Variants in PHACTR3 observed in about 807,000 individuals in gnomAD.
PHACTR3 encodes the protein protein phosphatase 1, regulatory subunit 123.
A neutral mutation model predicts 66.8 loss-of-function variants in PHACTR3; 16 were observed. The ratio of observed to expected loss-of-function variants is 0.24; its 90% confidence interval spans 0.16 to 0.36. PHACTR3 has a LOEUF of 0.36. Among genes scored for constraint, PHACTR3 ranks in the 10% least tolerant of loss-of-function variants. PHACTR3 has a pLI of 1.00. For missense variants in PHACTR3, 647 were observed against 719.9 expected (o/e 0.90, Z 1.16); for synonymous variants, 323 against 292.1 (o/e 1.11, Z -1.08).
chr20:59,583,692 C>G (rs1296630305), intron 1 of PHACTR3, among the ~76,000 whole-genome samples: 2 of 152,316 alleles, frequency 1.3e-5, no homozygotes, highest in East Asian at 1.9e-4. Context: ...AACAACGGTA[C>G]ACTTCCCTTG....
chr20:59,782,448 C>G (rs1345990711), intron 7 of PHACTR3, among the ~76,000 whole-genome samples: 3 of 152,230 alleles, frequency 2.0e-5, no homozygotes, highest in Admixed American at 2.0e-4. Context: ...GGCAGAGTTT[C>G]ACCATGTTGG....
At chr20:59,682,498 A>G (rs1346472394) in intron 1 of PHACTR3, among the ~76,000 whole-genome samples, 1 of 152,216 alleles carries the variant, frequency 6.6e-6, no homozygotes, top group Non-Finnish European at 1.5e-5. Flanking sequence ...GGAGAGGACA[A>G]TGAACGGCAC....
intron 1 of PHACTR3, among the ~76,000 whole-genome samples, chr20:59,672,152 C>A (rs940025641): frequency 9.2e-5 from 14 of 152,232 alleles, no homozygotes; most frequent in African/African-American, 3.4e-4. Flanking sequence ...ACTGGCATCT[C>A]ATGGGCAGAG....
chr20:59,821,576 A>G (rs2042028948), intron 8 of PHACTR3, among the ~76,000 whole-genome samples: 1 of 152,234 alleles, frequency 6.6e-6, no homozygotes, highest in Non-Finnish European at 1.5e-5. Flanking sequence ...TAGGACCAGC[A>G]TTCAGGCATA....
chr20:59,737,536 GTGCA>G (rs940696502), intron 1 of PHACTR3, among the ~76,000 whole-genome samples: 13 of 150,642 alleles, frequency 8.6e-5, no homozygotes, highest in South Asian at 8.5e-4. Flanking sequence ...ATGTGTGTGC[GTGCA>G]TGTGCATGTG....
chr20:59,698,688 G>T (rs1467072859), intron 1 of PHACTR3, among the ~76,000 whole-genome samples: 1 of 152,170 alleles, frequency 6.6e-6, no homozygotes, highest in South Asian at 2.1e-4. Flanking sequence ...TAAGGTCAAG[G>T]TATGATTTGA....
At chr20:59,747,972 T>C in intron 3 of PHACTR3, 137 bp downstream of exon 3, 3 of 888,672 alleles carry the variant, frequency 3.4e-6, no homozygotes, top group South Asian at 1.7e-5. Flanking sequence ...GCCTGCAAGG[T>C]TGGAGAGACA....
At chr20:59,658,104 A>C (rs2035683207) in intron 1 of PHACTR3, among the ~76,000 whole-genome samples, 1 of 152,020 alleles carries the variant, frequency 6.6e-6, no homozygotes, top group Admixed American at 6.6e-5. Flanking sequence ...CCCTCTAGTG[A>C]ATTTTGAACT....
intron 7 of PHACTR3, among the ~76,000 whole-genome samples, chr20:59,801,415 T>C (rs1303127800): frequency 6.6e-6 from 1 of 152,246 alleles, no homozygotes; most frequent in Non-Finnish European, 1.5e-5. Context: ...ATTCAGTCCA[T>C]GTTTGTCCAC....
At chr20:59,729,255 C>T (rs924627368) in intron 1 of PHACTR3, among the ~76,000 whole-genome samples, 3 of 152,174 alleles carry the variant, frequency 2.0e-5, no homozygotes, top group East Asian at 3.9e-4. Context: ...CAGGGCAGGG[C>T]GGATGTAGCA....
chr20:59,744,258 C>T (rs577324056), intron 2 of PHACTR3, among the ~76,000 whole-genome samples: 20 of 152,330 alleles, frequency 1.3e-4, no homozygotes, highest in Middle Eastern at 3.4e-3. Context: ...CAGCAGGTGG[C>T]GGGGCTGAGG....
intron 3 of PHACTR3, among the ~76,000 whole-genome samples, chr20:59,750,048 G>A (rs747774145): frequency 4.6e-5 from 7 of 152,274 alleles, no homozygotes; most frequent in Non-Finnish European, 1.0e-4. Flanking sequence ...GGCCCACTCT[G>A]TGTCAGGGTC....
At chr20:59,782,868 C>T (rs1040028202) in intron 7 of PHACTR3, among the ~76,000 whole-genome samples, 6 of 152,102 alleles carry the variant, frequency 3.9e-5, no homozygotes, top group Admixed American at 6.5e-5. Context: ...TGTGGTGACA[C>T]GGGCATTTGA....
At chr20:59,828,645 G>A (rs2042261099) in intron 8 of PHACTR3, among the ~76,000 whole-genome samples, 1 of 151,986 alleles carries the variant, frequency 6.6e-6, no homozygotes, top group African/African-American at 2.4e-5. Flanking sequence ...CAGGGACAGT[G>A]TGAACAGCCA....
chr20:59,729,862 C>T (rs906305079), intron 1 of PHACTR3, among the ~76,000 whole-genome samples: 4 of 152,190 alleles, frequency 2.6e-5, no homozygotes, highest in Non-Finnish European at 5.9e-5. Flanking sequence ...ATGTCCTTGG[C>T]TCTTGGGTGA....
At chr20:59,780,586 C>A (rs1407914215) in intron 7 of PHACTR3, among the ~76,000 whole-genome samples, 1 of 152,158 alleles carries the variant, frequency 6.6e-6, no homozygotes, top group East Asian at 1.9e-4. Flanking sequence ...ACCCTACCCC[C>A]CGAATACCAT....
chr20:59,609,245 C>T (rs6026996), intron 1 of PHACTR3, among the ~76,000 whole-genome samples: 24 of 152,336 alleles, frequency 1.6e-4, no homozygotes, highest in African/African-American at 5.5e-4. Context: ...ACACATTCCC[C>T]AGGCCCTGGG....
intron 1 of PHACTR3, among the ~76,000 whole-genome samples, chr20:59,740,285 A>G (rs898565721): frequency 3.3e-5 from 5 of 151,844 alleles, no homozygotes; most frequent in African/African-American, 1.2e-4. Flanking sequence ...GTGGATGTTT[A>G]TCTTTGTTTT....
chr20:59,832,282 C>G (rs997739833), intron 8 of PHACTR3, among the ~76,000 whole-genome samples: 1 of 152,190 alleles, frequency 6.6e-6, no homozygotes, highest in African/African-American at 2.4e-5. Flanking sequence ...AGGCTCGTCA[C>G]CATTTTTCCT....
Sources: allele counts gnomAD v4.1 joint callset (sites outside exome capture counted in the v4.1 genomes callset), GRCh38; gene constraint gnomAD v4.1.1; transcripts MANE v1.5; gene names NCBI Gene and HGNC (gene_info 2026-07-23, HGNC 2026-07-21).